ADARB2: variants seen among roughly 807,000 people sequenced by gnomAD.
The protein encoded by ADARB2 is adenosine deaminase RNA specific B2 (inactive), also known as inactive double-stranded RNA-specific editase B2.
A neutral mutation model predicts 62.2 loss-of-function variants in ADARB2; 25 were observed. That is an observed-to-expected ratio of 0.40 (90% CI 0.29 to 0.56). The LOEUF (loss-of-function observed/expected upper bound fraction) is 0.56. Among genes scored for constraint, ADARB2 ranks in the 20% least tolerant of loss-of-function variants. The probability of loss-of-function intolerance (pLI) is 0.43; values close to 1 mark genes in which losing one functional copy is unlikely to be tolerated. For missense variants in ADARB2, 1,071 were observed against 1,077.4 expected, an observed-to-expected ratio of 0.99 and a Z score of 0.08; for synonymous variants, 572 against 500.8, an observed-to-expected ratio of 1.14 and a Z score of -1.90.
At chr10:1,687,750 G>A (rs1345916444) in intron 1 of ADARB2, among the ~76,000 whole-genome samples, 1 of 152,118 alleles carries the variant, frequency 6.6e-6, no homozygotes, top group Admixed American at 6.6e-5. Flanking sequence ...GAATTGTGAT[G>A]AGGATTCAGG....
intron 1 of ADARB2, among the ~76,000 whole-genome samples, chr10:1,667,308 C>A (rs897509657): frequency 1.4e-4 from 21 of 152,034 alleles, no homozygotes; most frequent in African/African-American, 5.1e-4. Context: ...TTTATGAGGC[C>A]TATAAAACAT....
chr10:1,562,217 G>A (rs946090947), intron 1 of ADARB2, among the ~76,000 whole-genome samples: 3 of 145,584 alleles, frequency 2.1e-5, no homozygotes, highest in Admixed American at 6.8e-5. Flanking sequence ...ATTCACCTCC[G>A]GGCCCCTAGA....
At chr10:1,286,735 A>G (rs1467915149) in intron 3 of ADARB2, among the ~76,000 whole-genome samples, 1 of 152,126 alleles carries the variant, frequency 6.6e-6, no homozygotes, top group Non-Finnish European at 1.5e-5. Context: ...AAGGCTCTGC[A>G]TCTTGGCACA....
chr10:1,187,378 C>A (rs1419384928), intron 8 of ADARB2, among the ~76,000 whole-genome samples: 1 of 152,164 alleles, frequency 6.6e-6, no homozygotes, highest in Non-Finnish European at 1.5e-5. Flanking sequence ...GGCCTCCCCT[C>A]CTCCTCCCGC....
chr10:1,336,038 T>G (rs1330832769), intron 3 of ADARB2, among the ~76,000 whole-genome samples: 1 of 152,242 alleles, frequency 6.6e-6, no homozygotes, highest in Non-Finnish European at 1.5e-5. Flanking sequence ...ATAATTTGGT[T>G]GTAGAATGCA....
intron 1 of ADARB2, among the ~76,000 whole-genome samples, chr10:1,447,884 C>T (rs955244984): frequency 6.6e-5 from 10 of 152,134 alleles, no homozygotes; most frequent in Non-Finnish European, 1.3e-4. Context: ...CCAGCTTCAC[C>T]CACGTTGCTG....
chr10:1,725,089 C>T (rs956942150), intron 1 of ADARB2, among the ~76,000 whole-genome samples: 10 of 152,170 alleles, frequency 6.6e-5, no homozygotes, highest in Admixed American at 1.3e-4. Context: ...CCTGACTGAG[C>T]GCATGGACCC....
At chr10:1,198,006 AG>A (rs1453556325) in intron 8 of ADARB2, among the ~76,000 whole-genome samples, 1 of 152,232 alleles carries the variant, frequency 6.6e-6, no homozygotes, top group African/African-American at 2.4e-5. Flanking sequence ...AGAAGGACCA[AG>A]GGCAAACTCC....
chr10:1,292,345 C>T (rs1439083296), intron 3 of ADARB2: 1 of 152,192 alleles, frequency 6.6e-6, no homozygotes, highest in Non-Finnish European at 1.5e-5. Context: ...TTAAAAGTTG[C>T]ATATATTACT....
chr10:1,672,302 G>A (rs1334156105), intron 1 of ADARB2, among the ~76,000 whole-genome samples: 1 of 152,186 alleles, frequency 6.6e-6, no homozygotes, highest in Non-Finnish European at 1.5e-5. Flanking sequence ...AAGGGCGCTG[G>A]GGTGTCGAGC....
intron 1 of ADARB2, among the ~76,000 whole-genome samples, chr10:1,583,765 A>G (rs377440897): frequency 9.8e-5 from 15 of 152,364 alleles, no homozygotes; most frequent in Middle Eastern, 3.4e-3. Context: ...CAAAAGGCCC[A>G]GAGTAGCCAA....
intron 1 of ADARB2, among the ~76,000 whole-genome samples, chr10:1,386,757 A>G (rs1202060986): frequency 6.6e-6 from 1 of 151,934 alleles, no homozygotes; most frequent in African/African-American, 2.4e-5. Context: ...AGTAGTGAGA[A>G]AAAGGTGGTA....
Position 1,327,683 on chromosome 10 carries a change from T to C in ADARB2, c.1077+35345A>G, listed in dbSNP as rs1390469298. 6.2e-5 allele frequency among the ~76,000 whole-genome samples: 4 copies of C among 64,334 alleles called. 1 individual carries two copies. 42.2% of individuals were successfully genotyped at this position (64,334 alleles called of 152,430 possible). On this transcript the variant is annotated intron_variant, in intron 3 of 9. Transcript: ENST00000381312. Reference sequence around the variant, plus strand: ...TCCGCACTGCACAGCGCCTCCTCACTGCACAGCGCCTCGTCACAGTTTAGT... The same window carrying C: ...TCCGCACTGCACAGCGCCTCCTCACCGCACAGCGCCTCGTCACAGTTTAGT...
At chr10:1,261,304 G>A (rs1301973577) in intron 4 of ADARB2, among the ~76,000 whole-genome samples, 2 of 149,922 alleles carry the variant, frequency 1.3e-5, no homozygotes, top group Admixed American at 6.6e-5. Context: ...TTGACAAATG[G>A]GATCTAATTA....
intron 1 of ADARB2, chr10:1,526,753 C>G (rs910627474): frequency 4.5e-6 from 2 of 441,614 alleles, no homozygotes; most frequent in South Asian, 1.6e-5. Context: ...TAGCAACACA[C>G]ACGGACTGAG....
chr10:1,587,389 A>G (rs370750308), intron 1 of ADARB2, among the ~76,000 whole-genome samples: 1 of 152,316 alleles, frequency 6.6e-6, no homozygotes, highest in African/African-American at 2.4e-5. Flanking sequence ...TTTGTTTTAA[A>G]TATAGGACTT....
chr10:1,400,755 C>T (rs1352441843), intron 1 of ADARB2, among the ~76,000 whole-genome samples: 1 of 152,090 alleles, frequency 6.6e-6, no homozygotes, highest in Non-Finnish European at 1.5e-5. Flanking sequence ...GCCTCCTTTT[C>T]ATGCTGTTCT....
intron 1 of ADARB2, among the ~76,000 whole-genome samples, chr10:1,724,179 A>G (rs1264888842): frequency 6.6e-6 from 1 of 152,224 alleles, no homozygotes; most frequent in Non-Finnish European, 1.5e-5. Flanking sequence ...GCGTGCAGCC[A>G]AGATTAAAAG....
At chr10:1,516,074 A>G (rs1048225152) in intron 1 of ADARB2, among the ~76,000 whole-genome samples, 4 of 152,178 alleles carry the variant, frequency 2.6e-5, no homozygotes, top group African/African-American at 9.7e-5. Flanking sequence ...CCTACTGTCA[A>G]TCAGACCAGG....
Sources: allele counts gnomAD v4.1 joint callset (sites outside exome capture counted in the v4.1 genomes callset), GRCh38; gene constraint gnomAD v4.1.1; transcripts MANE v1.5; gene names NCBI Gene and HGNC (gene_info 2026-07-23, HGNC 2026-07-21).